The following SLC7A7 variants were observed in gnomAD, a reference collection of about 807,000 sequenced individuals.
SLC7A7 encodes the protein Y+L amino acid transporter 1.
A neutral mutation model predicts 47.9 loss-of-function variants in SLC7A7; 39 were observed. The observed-to-expected ratio is 0.81, with a 90% CI of 0.63 to 1.06. The LOEUF is 1.06. SLC7A7 is among the 50% of genes least tolerant of loss of function. SLC7A7 has a pLI of 0.00. For missense variants in SLC7A7, 588 were observed against 632.0 expected (o/e 0.93, Z 0.75); for synonymous variants, 234 against 242.8 (o/e 0.96, Z 0.34).
chr14:22,797,325 CCT>C (rs1831260706), intron 2 of SLC7A7, among the ~76,000 whole-genome samples: 2 of 152,294 alleles, frequency 1.3e-5, no homozygotes, highest in African/African-American at 4.8e-5. Context: ...CATCTGCACA[CCT>C]CTCTGTTTGG....
chr14:22,804,020 T>G (rs1246911547), intron 2 of SLC7A7, among the ~76,000 whole-genome samples: 1 of 152,166 alleles, frequency 6.6e-6, no homozygotes, highest in African/African-American at 2.4e-5. Flanking sequence ...TAGATTGGTT[T>G]CCCAGTTACT....
intron 2 of SLC7A7, among the ~76,000 whole-genome samples, chr14:22,790,792 G>A (rs986454281): frequency 6.6e-6 from 1 of 152,162 alleles, no homozygotes; most frequent in East Asian, 1.9e-4. Context: ...GAGTTCAAGA[G>A]ATTGAGACCA....
intron 2 of SLC7A7, among the ~76,000 whole-genome samples, chr14:22,809,342 CTTTTTT>C (rs572640614): frequency 6.4e-4 from 85 of 133,686 alleles, no homozygotes; most frequent in African/African-American, 2.2e-3. Flanking sequence ...CCACACCCAG[CTTTTTT>C]TTTTTTTTTT....
chr14:22,786,131 C>T (rs1043898338), intron 2 of SLC7A7, among the ~76,000 whole-genome samples: 13 of 151,736 alleles, frequency 8.6e-5, no homozygotes, highest in Non-Finnish European at 1.5e-4. Context: ...CCAGCCTGCC[C>T]AACATGGTGA....
In SLC7A7 at chr14:22,810,534, A is replaced by G. The variant is rs570814064; in HGVS notation, c.499+2366T>C. 2.6e-5 allele frequency among the ~76,000 whole-genome samples: 4 copies of G among 152,080 alleles called. No homozygotes were observed. The South Asian group carries it at 8.3e-4, about 32-fold the overall frequency. Reference sequence around the variant, plus strand: ...CCATCTTAGAAATATTACTTAGATGAAATGATCCTTCTCTGCACATGATAT... The same window carrying G: ...CCATCTTAGAAATATTACTTAGATGGAATGATCCTTCTCTGCACATGATAT... On this transcript the variant is annotated intron_variant, in intron 2 of 9. Transcript: ENST00000674313.
At chr14:22,785,106 C>T (rs1288297597) in intron 2 of SLC7A7, among the ~76,000 whole-genome samples, 1 of 151,970 alleles carries the variant, frequency 6.6e-6, no homozygotes, top group Non-Finnish European at 1.5e-5. Context: ...TGGCGAAACC[C>T]CGTCTCTACT....
chr14:22,817,036 C>G (rs1343624112), upstream of SLC7A7, among the ~76,000 whole-genome samples: 12 of 151,964 alleles, frequency 7.9e-5, no homozygotes, highest in Non-Finnish European at 1.8e-4. Flanking sequence ...TCTCATGGAA[C>G]CTCCAGAGCT....
At chr14:22,799,448 C>CTTTTTTTTTTTTTTTTTTTTTTTTTTTGT (rs56375225) in intron 2 of SLC7A7, among the ~76,000 whole-genome samples, 1 of 76,170 alleles carries the variant, frequency 1.3e-5, no homozygotes, top group Non-Finnish European at 2.3e-5. Flanking sequence ...TTTTTTCTTT[C>CTTTTTTTTTTTTTTTTTTTTTTTTTTTGT]TTTTTTTTTT....
At chr14:22,803,543 C>A (rs778215442) in intron 2 of SLC7A7, among the ~76,000 whole-genome samples, 15 of 152,206 alleles carry the variant, frequency 9.9e-5, no homozygotes, top group Non-Finnish European at 2.2e-4. Context: ...CTGCAGGCAT[C>A]TGGAGACGTG....
chr14:22,782,445 T>C (rs566256258), intron 2 of SLC7A7, among the ~76,000 whole-genome samples: 217 of 148,046 alleles, frequency 1.5e-3, no homozygotes, highest in Non-Finnish European at 2.9e-3. Context: ...TATTGACTTA[T>C]TTATTTATTT....
In SLC7A7 at chr14:22,773,521, C is replaced by T. The variant is rs1157705103; in HGVS notation, c.*89G>A. 4 of 1,176,826 alleles carry T rather than the reference C, an allele frequency of 3.4e-6. No homozygotes were observed. Among genetic ancestry groups the T allele is most frequent in the Admixed American group, 3.7e-5 (2 of 53,910 alleles). The allele number at this position is 1,176,826 out of a possible 1,614,324, so 72.9% of individuals were successfully genotyped here. A position where few individuals can be genotyped will look rare whatever the true frequency, so the allele number is the denominator to read the frequency against. Reference sequence around the variant, plus strand: ...GGCCAGGCTTCTGGACAGGTGCCTCCAAAGAAGTGAGCTTTCCTTTTCAAC... The same window carrying T: ...GGCCAGGCTTCTGGACAGGTGCCTCTAAAGAAGTGAGCTTTCCTTTTCAAC... On this transcript the variant is annotated 3_prime_UTR_variant, in exon 10 of 10. Coordinates refer to ENST00000674313, the MANE Select transcript of SLC7A7 (RefSeq NM_003982.4).
Position 22,776,212 on chromosome 14 carries a change from T to C in SLC7A7, c.877A>G (p.Ser293Gly), listed in dbSNP as rs763141342. The change falls in exon 5 of 10, where the codon AGT becomes GGT. Residue 293 changes from serine (S) to glycine (G), a missense_variant. Coordinates refer to ENST00000674313, the MANE Select transcript of SLC7A7 (RefSeq NM_003982.4). ...TCCTTTACCACAGCAACAGCATCAC[T>C]GGCCAAGATGTCTCTCATGTCTAGC... is the stretch of plus-strand genomic sequence containing the variant. ...TVLDMRDILA[S>G]DAVAVTFADQ... is the part of the protein sequence containing the mutation. 3 of 1,614,186 alleles carry C rather than the reference T, an allele frequency of 1.9e-6. No individual in the cohort carries two copies. In the Admixed American group the frequency reaches 5.0e-5, roughly 27 times the overall value.
At chr14:22,783,026 A>G (rs1198220974) in intron 2 of SLC7A7, among the ~76,000 whole-genome samples, 1 of 148,814 alleles carries the variant, frequency 6.7e-6, no homozygotes, top group Admixed American at 6.7e-5. Context: ...CTCTGCCTCC[A>G]GGGTTCAAGC....
intron 2 of SLC7A7, among the ~76,000 whole-genome samples, chr14:22,806,136 A>AAAC (rs1566460065): frequency 1.8e-5 from 2 of 111,214 alleles, no homozygotes; most frequent in Non-Finnish European, 1.7e-5. Context: ...AAAAAAAAAA[A>AAAC]AAAACTGTAC....
At chr14:22,807,847 T>C (rs2039238959) in intron 2 of SLC7A7, among the ~76,000 whole-genome samples, 1 of 152,112 alleles carries the variant, frequency 6.6e-6, no homozygotes, top group South Asian at 2.1e-4. Flanking sequence ...TCCTAAGCTA[T>C]CCTCCCCTAC....
At chr14:22,788,443 A>G (rs2038858341) in intron 2 of SLC7A7, among the ~76,000 whole-genome samples, 1 of 152,052 alleles carries the variant, frequency 6.6e-6, no homozygotes, top group Non-Finnish European at 1.5e-5. Flanking sequence ...AGAATAAACA[A>G]TCTGTAATCC....
At chr14:22,775,304 C>T (rs2038578559) in intron 7 of SLC7A7, 140 bp downstream of exon 7, 5 of 782,702 alleles carry the variant, frequency 6.4e-6, no homozygotes, top group South Asian at 1.4e-5. Context: ...AGTGCCTTGC[C>T]CGTGGTGAAC....
At chr14:22,805,099 G>C (rs1275203781) in intron 2 of SLC7A7, among the ~76,000 whole-genome samples, 1 of 131,956 alleles carries the variant, frequency 7.6e-6, no homozygotes, top group Non-Finnish European at 1.8e-5. Context: ...CAGGTGCAGT[G>C]GCTCATGCCT....
intron 2 of SLC7A7, among the ~76,000 whole-genome samples, chr14:22,785,279 A>AAAAAT (rs1272332929): frequency 6.6e-6 from 1 of 152,172 alleles, no homozygotes; most frequent in Non-Finnish European, 1.5e-5. Flanking sequence ...CTCCATCTCA[A>AAAAAT]AAAATAAAAT....
Sources: allele counts gnomAD v4.1 joint callset (sites outside exome capture counted in the v4.1 genomes callset), GRCh38; gene constraint gnomAD v4.1.1; transcripts MANE v1.5; gene names NCBI Gene and HGNC (gene_info 2026-07-23, HGNC 2026-07-21).